The following TOPBP1 variants were observed in gnomAD, a reference collection of about 807,000 sequenced individuals.
TOPBP1 encodes DNA topoisomerase II binding protein 1.
Under a neutral mutation model 167.7 loss-of-function variants are expected in TOPBP1, and 28 were observed. The ratio of observed to expected loss-of-function variants is 0.17; its 90% CI spans 0.12 to 0.23. The LOEUF is 0.23. Ranked by LOEUF, TOPBP1 falls within the 10% of genes least tolerant of loss-of-function variation. The pLI, the probability that TOPBP1 is intolerant of heterozygous loss-of-function variation, is 1.00. For synonymous variants in TOPBP1, 598 were observed against 611.4 expected (o/e 0.98, Z 0.32); for missense variants, 1,554 against 1,809.6 (o/e 0.86, Z 2.56).
chr3:133,659,389 C>T (rs1936602328), intron 2 of TOPBP1, among the ~76,000 whole-genome samples: 1 of 152,156 alleles, frequency 6.6e-6, no homozygotes, highest in Non-Finnish European at 1.5e-5. Flanking sequence ...ACTATCTGCT[C>T]AAAACCTAAT....
intron 1 of TOPBP1, 25 bp from the exon 2 acceptor site, chr3:133,661,159 C>A: frequency 6.6e-7 from 1 of 1,525,050 alleles, no homozygotes; most frequent in South Asian, 1.3e-5. Context: ...GAACCATTAA[C>A]AAGAACAAAA....
At chr3:133,605,146 C>A (rs1254785291) in intron 27 of TOPBP1, among the ~76,000 whole-genome samples, 1 of 150,814 alleles carries the variant, frequency 6.6e-6, no homozygotes, top group African/African-American at 2.4e-5. Context: ...TTGCAGTGAG[C>A]TGAGATCAAG....
intron 16 of TOPBP1, among the ~76,000 whole-genome samples, chr3:133,626,816 C>CT (rs1210530875): frequency 6.6e-6 from 1 of 152,114 alleles, no homozygotes. Context: ...CTGTCTGCTA[C>CT]TTTTTTAAAT....
intron 23 of TOPBP1, among the ~76,000 whole-genome samples, chr3:133,615,099 A>G (rs1266156161): frequency 6.6e-6 from 1 of 150,580 alleles, no homozygotes; most frequent in African/African-American, 2.4e-5. Context: ...AAAGCATATC[A>G]TAGTTTTCCA....
At chr3:133,658,084 T>TA in intron 3 of TOPBP1, 143 bp from the exon 4 acceptor site, 1 of 600,054 alleles carries the variant, frequency 1.7e-6, no homozygotes, top group Non-Finnish European at 2.7e-6. Context: ...AAGAAAAAAA[T>TA]AAAGATGACT....
At position 133,659,170 on chromosome 3, in the gene TOPBP1, A is replaced by G; in HGVS notation, c.85-20T>C. The G allele has an allele frequency of 6.5e-7, 1 of 1,536,488 alleles. No homozygotes were observed. The highest frequency in any genetic ancestry group is 2.0e-4 in the Middle Eastern group (1 of 4,946). ...TATGGACTGAAAGAAAAAATAAAAT[A>G]AGAATGTACCTGAAATTACTCTCCT... On this transcript the variant is annotated intron_variant, in intron 2 of 27. Coordinates refer to ENST00000260810, the MANE Select transcript of TOPBP1 (RefSeq NM_007027.4).
chr3:133,604,000 C>T (rs1455880311), intron 27 of TOPBP1, among the ~76,000 whole-genome samples: 3 of 151,582 alleles, frequency 2.0e-5, no homozygotes, highest in African/African-American at 7.3e-5. Flanking sequence ...CAATGGAATT[C>T]AATGGGCAAT....
chr3:133,618,444 G>T lies in TOPBP1; in HGVS notation c.3372-11C>A. 3.1e-6 allele frequency: 5 copies of T among 1,607,086 alleles called. No homozygotes were observed. The highest frequency in any genetic ancestry group is 4.3e-6 in the Non-Finnish European group (5 of 1,174,394). The stretch of plus-strand genomic sequence containing the variant: ...GTCTGACGAGACTGCCTAAGGAATA[G>T]AAGTGACAGTTTAAATAAACAGCAA... On this transcript the variant is annotated splice_polypyrimidine_tract_variant and intron_variant, in intron 20 of 27. Transcript: ENST00000260810.
At position 133,603,834 on chromosome 3, in the gene TOPBP1, A is replaced by G. The variant is rs145320981; in HGVS notation, c.4426-2441T>C. 1.3e-5 allele frequency among the ~76,000 whole-genome samples: 2 copies of G among 152,094 alleles called. 1 individual carries two copies. The highest frequency in any genetic ancestry group is 3.9e-4 in the East Asian group (2 of 5,192). On this transcript the variant is annotated intron_variant, in intron 27 of 27. Transcript: ENST00000260810. ...CTGATCAACATTATCAACCATATTA[A>G]CCTATTTGATATTTTTAGAACACAA...
At chr3:133,631,792 C>T (rs1317017505) in intron 14 of TOPBP1, among the ~76,000 whole-genome samples, 1 of 152,072 alleles carries the variant, frequency 6.6e-6, no homozygotes, top group Non-Finnish European at 1.5e-5. Context: ...CATATGCCAT[C>T]ACACCCGGCT....
Position 133,616,884 on chromosome 3 carries a change from C to A in TOPBP1, c.3801G>T (p.Gln1267His). The change falls in exon 23 of 28, where the codon CAG (glutamine) becomes CAT (histidine). Residue 1267 changes from glutamine (Q) to histidine (H), a missense_variant. Coordinates refer to ENST00000260810, the MANE Select transcript of TOPBP1 (RefSeq NM_007027.4). ...IEETHEELKKQYIFQLSSLNP... is the reference protein window; with the variant it reads ...IEETHEELKKHYIFQLSSLNP... ...TCAGAGATGATAACTGAAATATGTA[C>A]TGTTTTTTTAATTCTTCATGAGTCT... 1 of 1,551,208 alleles carries A rather than the reference C, an allele frequency of 6.4e-7. No individual in the cohort carries two copies. The highest frequency in any genetic ancestry group is 8.7e-7 in the Non-Finnish European group (1 of 1,151,402).
intron 5 of TOPBP1, among the ~76,000 whole-genome samples, chr3:133,655,773 A>G (rs779366015): frequency 2.0e-5 from 3 of 152,224 alleles, no homozygotes; most frequent in Non-Finnish European, 2.9e-5. Flanking sequence ...TTCCAAAATG[A>G]TAAGTCTGAA....
intron 24 of TOPBP1, among the ~76,000 whole-genome samples, chr3:133,611,864 G>GTA (rs967374728): frequency 6.6e-5 from 10 of 152,182 alleles, no homozygotes; most frequent in African/African-American, 2.4e-4. Context: ...AGCCTCCTAG[G>GTA]TAGCTGGGAC....
At chr3:133,656,376 G>A (rs1346351052) in intron 5 of TOPBP1, among the ~76,000 whole-genome samples, 3 of 152,068 alleles carry the variant, frequency 2.0e-5, no homozygotes, top group Admixed American at 1.3e-4. Flanking sequence ...CAACATAAAA[G>A]CTACAGAATT....
At chr3:133,607,533 T>A (rs1400112871) in intron 27 of TOPBP1, among the ~76,000 whole-genome samples, 1 of 151,970 alleles carries the variant, frequency 6.6e-6, no homozygotes, top group African/African-American at 2.4e-5. Context: ...TTCCCACCAA[T>A]AATGTACAGA....
chr3:133,656,602 A>C, intron 5 of TOPBP1, 74 bp downstream of exon 5: 6 of 1,417,394 alleles, frequency 4.2e-6, no homozygotes, highest in Non-Finnish European at 5.7e-6. Flanking sequence ...AAGTCCAAAG[A>C]GTATATCACA....
intron 10 of TOPBP1, among the ~76,000 whole-genome samples, chr3:133,645,812 C>T (rs989606783): frequency 3.9e-5 from 6 of 152,026 alleles, no homozygotes; most frequent in African/African-American, 1.4e-4. Context: ...CAGACCGCAC[C>T]CAAAAGCCTA....
Position 133,649,652 on chromosome 3 carries a change from G to A in TOPBP1, c.1254-19C>T, listed in dbSNP as rs367766156. On this transcript the variant is annotated intron_variant, in intron 9 of 27. Transcript: ENST00000260810. ...ATGAGGCCTACAAAAATAGCACATA[G>A]TTATGTATTAGTGCAAGCTATAAAG... 2.2e-5 allele frequency: 35 copies of A among 1,611,482 alleles called. No homozygotes were observed. Among genetic ancestry groups the A allele is most frequent in the Non-Finnish European group, 2.8e-5 (33 of 1,178,640 alleles).
chr3:133,608,388 T>C, intron 27 of TOPBP1, 147 bp downstream of exon 27: 1 of 831,034 alleles, frequency 1.2e-6, no homozygotes, highest in African/African-American at 1.7e-5. Flanking sequence ...ACAAATAGAA[T>C]AAAACTGAAA....
Sources: allele counts gnomAD v4.1 joint callset (sites outside exome capture counted in the v4.1 genomes callset), GRCh38; gene constraint gnomAD v4.1.1; transcripts MANE v1.5; gene names NCBI Gene and HGNC (gene_info 2026-07-23, HGNC 2026-07-21).